The following RBBP5 variants were observed in gnomAD, a reference collection of about 807,000 sequenced individuals.
RBBP5 encodes the protein RB binding protein 5, histone lysine methyltransferase complex subunit.
RBBP5 carries 5 observed loss-of-function variants against 72.2 expected under a neutral mutation model. The ratio of observed to expected loss-of-function variants is 0.07; its 90% CI spans 0.04 to 0.15. The LOEUF is 0.15. Ranked by LOEUF, RBBP5 falls within the 10% of genes least tolerant of loss-of-function variation. RBBP5 has a pLI of 1.00. For missense variants in RBBP5, 322 were observed against 652.2 expected, an observed-to-expected ratio of 0.49 and a Z score of 5.51; for synonymous variants, 209 against 237.2, an observed-to-expected ratio of 0.88 and a Z score of 1.09.
intron 3 of RBBP5, among the ~76,000 whole-genome samples, chr1:205,108,059 A>G (rs1191558900): frequency 6.6e-6 from 1 of 152,004 alleles, no homozygotes; most frequent in Non-Finnish European, 1.5e-5. Flanking sequence ...CCTGGTCAAC[A>G]TGGTGAAACC....
At chr1:205,094,759 G>T in intron 13 of RBBP5, 114 bp downstream of exon 13, 3 of 1,216,806 alleles carry the variant, frequency 2.5e-6, no homozygotes, top group Non-Finnish European at 2.3e-6. Flanking sequence ...ATTATCTGCT[G>T]CTGGGAAAAA....
intron 2 of RBBP5, among the ~76,000 whole-genome samples, chr1:205,115,493 C>G (rs768192243): frequency 6.6e-5 from 10 of 152,040 alleles, no homozygotes; most frequent in Non-Finnish European, 1.3e-4. Context: ...AATAGTTTTA[C>G]AATTAAAAAA....
intron 10 of RBBP5, among the ~76,000 whole-genome samples, 183 bp downstream of exon 10, chr1:205,098,806 T>C (rs1457336986): frequency 1.4e-5 from 2 of 146,462 alleles, no homozygotes; most frequent in Admixed American, 7.1e-5. Flanking sequence ...AATCACATCA[T>C]TGCATCCAGC....
intron 10 of RBBP5, among the ~76,000 whole-genome samples, chr1:205,098,213 C>T (rs1655690065): frequency 6.6e-6 from 1 of 152,192 alleles, no homozygotes; most frequent in Non-Finnish European, 1.5e-5. Context: ...ATTACTGTCC[C>T]TATTTTACAG....
At chr1:205,102,949 T>C (rs989793940) in intron 5 of RBBP5, among the ~76,000 whole-genome samples, 1 of 146,564 alleles carries the variant, frequency 6.8e-6, no homozygotes, top group Non-Finnish European at 1.5e-5. Flanking sequence ...ACTGAGATGG[T>C]GCCATTGCAC....
chr1:205,104,225 TA>T (rs927952671), intron 4 of RBBP5, among the ~76,000 whole-genome samples: 2 of 151,690 alleles, frequency 1.3e-5, no homozygotes, highest in African/African-American at 2.4e-5. Context: ...ACATGATCAT[TA>T]AAAAAAAGTA....
At chr1:205,093,748 T>C (rs1020118034) in intron 13 of RBBP5, among the ~76,000 whole-genome samples, 7 of 151,456 alleles carry the variant, frequency 4.6e-5, no homozygotes, top group Non-Finnish European at 7.4e-5. Context: ...ATACTCAAAA[T>C]GATGAATAAC....
At chr1:205,094,781 A>AG in intron 13 of RBBP5, 92 bp downstream of exon 13, 2 of 1,322,862 alleles carry the variant, frequency 1.5e-6, no homozygotes, top group Non-Finnish European at 2.1e-6. Flanking sequence ...GAGGGAAGAG[A>AG]GGGGGAAAAA....
chr1:205,095,645 TG>T (rs1655582875), intron 12 of RBBP5, among the ~76,000 whole-genome samples: 1 of 152,168 alleles, frequency 6.6e-6, no homozygotes, highest in African/African-American at 2.4e-5. Context: ...GAATGGACTT[TG>T]GAACTAGAGA....
intron 13 of RBBP5, among the ~76,000 whole-genome samples, chr1:205,093,501 T>A (rs1558570346): frequency 0.057 from 141 of 2,456 alleles, 37 homozygotes; most frequent in East Asian, 0.14. Flanking sequence ...TATATATATA[T>A]ATATATATAT....
Position 205,099,149 on chromosome 1 carries a change from A to C in RBBP5, c.979-43T>G, listed in dbSNP as rs761704078. 3 of 1,102,498 alleles carry C rather than the reference A, an allele frequency of 2.7e-6. No individual in the cohort carries two copies. Among genetic ancestry groups the C allele is most frequent in the Non-Finnish European group, 1.3e-6 (1 of 760,824 alleles). 68.3% of individuals were successfully genotyped at this position (1,102,498 alleles called of 1,614,324 possible). ...CTACTTAACCATATGTGAAAGCAAT[A>C]ATCTGTAATCTACACATTAATGATA... is the stretch of plus-strand genomic sequence containing the variant. On this transcript the variant is annotated intron_variant, in intron 9 of 13. Transcript: ENST00000264515. This position sits in a 1 kb window ranked among gnomAD's most constrained non-coding sequence, Gnocchi z 4.7.
chr1:205,110,765 T>A (rs964029869), intron 3 of RBBP5, among the ~76,000 whole-genome samples: 2 of 152,132 alleles, frequency 1.3e-5, no homozygotes, highest in Non-Finnish European at 2.9e-5. Flanking sequence ...TTTTAATTTT[T>A]AAAAATATTT....
rs764907276 is a variant in RBBP5, at chr1:205,097,355, G to A, written c.1137C>T (p.Ser379=). Residue 379 remains serine (S), a synonymous_variant, in exon 11 of 14, where the codon AGC becomes AGT. Transcript: ENST00000264515. ...TACAGAAGGCAGCAATAGGGTCCAC[G>A]CTGGTGACATCCACTTCCTCATCTT... ...AAEDEEVDVT[S]VDPIAAFCSS... is the part of the protein sequence containing the mutation. 34 of 1,552,182 alleles carry A rather than the reference G, an allele frequency of 2.2e-5. No individual in the cohort carries two copies. The South Asian group carries it at 2.3e-4, about 10-fold the overall frequency.
chr1:205,089,237 T>C (rs1242393069), intron 13 of RBBP5, among the ~76,000 whole-genome samples: 1 of 152,216 alleles, frequency 6.6e-6, no homozygotes. Flanking sequence ...GATTAACAAG[T>C]GAGCAAGAAA....
chr1:205,115,475 T>C lies in RBBP5; in HGVS notation c.45+383A>G, dbSNP rs536255374. On this transcript the variant is annotated intron_variant, in intron 2 of 13. Transcript: ENST00000264515. ...CAATGTCTATCCTCAAACATTCAAG[T>C]GTTATAAAATAGTTTTACAATTAAA... Among the ~76,000 whole-genome samples the C allele has an allele frequency of 7.9e-5, 12 of 152,294 alleles. No homozygotes were observed. In the East Asian group the frequency reaches 2.3e-3, roughly 29 times the overall value.
At chr1:205,101,465 G>GT (rs1655819117) in intron 6 of RBBP5, 135 bp downstream of exon 6, 2 of 573,920 alleles carry the variant, frequency 3.5e-6, no homozygotes, top group Admixed American at 6.6e-5. Context: ...ACCAGATATT[G>GT]TAAGTTTCTA....
At position 205,101,827 on chromosome 1, in the gene RBBP5, T is replaced by C. The variant is rs1655834435; in HGVS notation, c.523-118A>G. On this transcript the variant is annotated intron_variant, in intron 5 of 13. Transcript: ENST00000264515. ...AAAAATGCAAATGTCTCTATTCCCA[T>C]ATATTTGACCTGATTAACTGGTATT... 1.5e-5 allele frequency: 10 copies of C among 689,424 alleles called. No homozygotes were observed. In the South Asian group the frequency reaches 1.9e-4, roughly 13 times the overall value. 42.7% of individuals were successfully genotyped at this position (689,424 alleles called of 1,614,324 possible).
rs903625515 is a variant in RBBP5 at position 205,098,786 on chromosome 1, A to C, written c.1096+203T>G. Among the ~76,000 whole-genome samples, 5 of 149,706 alleles carry C rather than the reference A, an allele frequency of 3.3e-5. No homozygotes were observed. In the South Asian group the frequency reaches 1.1e-3, roughly 32 times the overall value. ...CTTGAACCCAGGGGGCAGAGGTTGC[A>C]GTGAGCCAAAATCACATCATTGCAT... On this transcript the variant is annotated intron_variant, in intron 10 of 13. Transcript: ENST00000264515.
At chr1:205,109,102 C>CT (rs1484838916) in intron 3 of RBBP5, among the ~76,000 whole-genome samples, 1 of 152,134 alleles carries the variant, frequency 6.6e-6, no homozygotes, top group African/African-American at 2.4e-5. Flanking sequence ...CAAAAGGACT[C>CT]TGTGTGTCTC....
Sources: allele counts gnomAD v4.1 joint callset (sites outside exome capture counted in the v4.1 genomes callset), GRCh38; gene constraint gnomAD v4.1.1; non-coding constraint Gnocchi (gnomAD v3.1); transcripts MANE v1.5; gene names NCBI Gene and HGNC (gene_info 2026-07-23, HGNC 2026-07-21).